FAM83F: variants seen among roughly 807,000 people sequenced by gnomAD.
FAM83F encodes the protein protein FAM83F.
In FAM83F, 45 loss-of-function variants were observed where a neutral mutation model predicts 42.9. That is an observed-to-expected ratio of 1.05 (90% CI 0.83 to 1.35). The LOEUF (loss-of-function observed/expected upper bound fraction) is 1.35. FAM83F is among the 40% of genes most tolerant of loss of function. The probability of loss-of-function intolerance (pLI) is 0.00; values close to 1 mark genes in which losing one functional copy is unlikely to be tolerated. For synonymous variants in FAM83F, 306 were observed against 298.3 expected, an observed-to-expected ratio of 1.03 and a Z score of -0.27; for missense variants, 617 against 695.9, an observed-to-expected ratio of 0.89 and a Z score of 1.28.
intron 4 of FAM83F, among the ~76,000 whole-genome samples, chr22:40,027,348 A>G (rs1196378727): frequency 6.6e-6 from 1 of 151,848 alleles, no homozygotes; most frequent in East Asian, 1.9e-4. Flanking sequence ...CTCCCGCACC[A>G]CCTCACCTGC....
chr22:39,995,554 A>G lies in FAM83F; in HGVS notation c.489+23A>G. The G allele has an allele frequency of 6.5e-7, 1 of 1,530,238 alleles. No individual in the cohort carries two copies. The highest frequency in any genetic ancestry group is 8.8e-7 in the Non-Finnish European group (1 of 1,133,186). 94.8% of individuals were successfully genotyped at this position (1,530,238 alleles called of 1,614,324 possible). On this transcript the variant is annotated intron_variant, in intron 1 of 4. Coordinates refer to ENST00000333407, the MANE Select transcript of FAM83F (RefSeq NM_138435.4). This position sits in a 1 kb window ranked among gnomAD's most constrained non-coding sequence, Gnocchi z 4.6. ...AAGGTAGGCCCCCGCCTTCGCCCCC[A>G]CACCGCTGGGACCTCGGCCCCAGTC...
intron 1 of FAM83F, among the ~76,000 whole-genome samples, chr22:40,002,434 T>C (rs1459553509): frequency 6.6e-6 from 1 of 152,134 alleles, no homozygotes; most frequent in Non-Finnish European, 1.5e-5. Flanking sequence ...CCTCTGAGGA[T>C]GGGTGTTTCC....
Position 40,021,820 on chromosome 22 carries a change from G to T in FAM83F, c.1310G>T (p.Arg437Leu). Residue 437 changes from arginine (R) to leucine (L), a missense_variant, in exon 4 of 5, where the codon CGC becomes CTC. Arg to Leu is a moderately radical substitution (Grantham distance 102). Transcript: ENST00000333407. The surrounding 1 kb of genome is among the most constrained non-coding windows in gnomAD (Gnocchi z 8.7). ...AARGEAAPAR[R>L]FSSRLFSRRA... ...CGGGGGGAGGCCGCCCCCGCCAGGC[G>T]CTTCAGCAGCAGGCTCTTCAGTCGC... is the stretch of plus-strand genomic sequence containing the variant. 1 of 1,612,660 alleles carries T rather than the reference G, an allele frequency of 6.2e-7. No homozygotes were observed. The highest frequency in any genetic ancestry group is 8.5e-7 in the Non-Finnish European group (1 of 1,179,728).
intron 1 of FAM83F, among the ~76,000 whole-genome samples, chr22:40,018,633 C>T (rs1476802115): frequency 6.7e-6 from 1 of 149,162 alleles, no homozygotes; most frequent in Non-Finnish European, 1.5e-5. Context: ...GCTCTTGTTG[C>T]CCTGGCTGGA....
chr22:40,029,094 T>G, intron 4 of FAM83F, among the ~76,000 whole-genome samples: 1 of 140,932 alleles, frequency 7.1e-6, no homozygotes, highest in African/African-American at 2.9e-5. Context: ...TGTGTGTGTG[T>G]GTGTGTGTGT....
At position 40,040,215 on chromosome 22, in the gene FAM83F, C is replaced by CT; in HGVS notation, c.*10651dup. Reference sequence around the variant, plus strand: ...AGGGCTGGTCATCTCCCCAGCTGCACTGTGGGGTTCCCAAGTCAGACATCC... The same window carrying CT: ...AGGGCTGGTCATCTCCCCAGCTGCACTTGTGGGGTTCCCAAGTCAGACATCC... On this transcript the variant is annotated 3_prime_UTR_variant, in exon 5 of 5. Coordinates refer to ENST00000333407, the MANE Select transcript of FAM83F (RefSeq NM_138435.4). The CT allele has an allele frequency of 6.6e-6, 1 of 152,340 alleles. No homozygotes were observed. Among genetic ancestry groups the CT allele is most frequent in the South Asian group, 2.1e-4 (1 of 4,824 alleles). The allele number at this position is 152,340 out of a possible 1,614,324, so 9.4% of individuals were successfully genotyped here. A position where few individuals can be genotyped will look rare whatever the true frequency, so the allele number is the denominator to read the frequency against.
At chr22:40,017,707 G>A (rs935741100) in intron 1 of FAM83F, among the ~76,000 whole-genome samples, 8 of 152,218 alleles carry the variant, frequency 5.3e-5, no homozygotes, top group African/African-American at 1.2e-4. Flanking sequence ...AAGGCAAACC[G>A]ACTTCCTGGA....
Position 40,029,676 on chromosome 22 carries a change from C to A in FAM83F, c.*111C>A. ...GTTTGCACATCAGACGCCAACTGGC[C>A]TTCTGCCCTGCAGCCTCCGTCCTGG... On this transcript the variant is annotated 3_prime_UTR_variant, in exon 5 of 5. Coordinates refer to ENST00000333407, the MANE Select transcript of FAM83F (RefSeq NM_138435.4). 1 of 1,467,460 alleles carries A rather than the reference C, an allele frequency of 6.8e-7. No individual in the cohort carries two copies. Among genetic ancestry groups the A allele is most frequent in the South Asian group, 1.3e-5 (1 of 77,736 alleles). 90.9% of individuals were successfully genotyped at this position (1,467,460 alleles called of 1,614,324 possible).
In FAM83F at chr22:40,031,214, T is replaced by C. The variant is rs888826330; in HGVS notation, c.*1649T>C. On this transcript the variant is annotated 3_prime_UTR_variant, in exon 5 of 5. Transcript: ENST00000333407. ...CCTTAGGCACCAAGACCAGGCAGTG[T>C]GGCATGAGCTCATTCTGGAGGGGAG... 3.2e-5 allele frequency: 4 copies of C among 124,594 alleles called. No homozygotes were observed. The highest frequency in any genetic ancestry group is 1.8e-4 in the Admixed American group (2 of 11,142). 7.7% of individuals were successfully genotyped at this position (124,594 alleles called of 1,614,324 possible).
intron 4 of FAM83F, among the ~76,000 whole-genome samples, chr22:40,022,929 A>C (rs1219656172): frequency 1.3e-5 from 2 of 152,204 alleles, no homozygotes; most frequent in Non-Finnish European, 2.9e-5. Context: ...AGCAGGGAGC[A>C]CAAGTGTCAT....
At position 40,030,671 on chromosome 22, in the gene FAM83F, C is replaced by G. The variant is rs2067581595; in HGVS notation, c.*1106C>G. On this transcript the variant is annotated 3_prime_UTR_variant, in exon 5 of 5. Transcript: ENST00000333407. ...GTAAGCAATTCCATTCTGCCTTCCC[C>G]ACTTGGGTGACTGGAGAGGGCCGAG... 1 of 152,394 alleles carries G rather than the reference C, an allele frequency of 6.6e-6. No homozygotes were observed. The highest frequency in any genetic ancestry group is 2.4e-5 in the African/African-American group (1 of 41,552). 9.4% of individuals were successfully genotyped at this position (152,394 alleles called of 1,614,324 possible).
In FAM83F at chr22:40,036,670, G is replaced by C. The variant is rs2067625893; in HGVS notation, c.*7105G>C. On this transcript the variant is annotated 3_prime_UTR_variant, in exon 5 of 5. Coordinates refer to ENST00000333407, the MANE Select transcript of FAM83F (RefSeq NM_138435.4). ...TCATGTAGATTCCACACCCCGCCTT[G>C]ATGTCTTTGGCTTTCACACTAGTGA... 6.6e-6 allele frequency: 1 copy of C among 152,284 alleles called. No homozygotes were observed. The highest frequency in any genetic ancestry group is 2.4e-5 in the African/African-American group (1 of 41,458). The allele number at this position is 152,284 out of a possible 1,614,324, so 9.4% of individuals were successfully genotyped here.
At chr22:40,026,751 G>A (rs188557658) in intron 4 of FAM83F, among the ~76,000 whole-genome samples, 1 of 152,092 alleles carries the variant, frequency 6.6e-6, no homozygotes, top group African/African-American at 2.4e-5. Context: ...ACTCTCCTGG[G>A]GTCCCTGGAT....
rs960246879 is a variant in FAM83F at position 40,041,736 on chromosome 22, A to C, written c.*12171A>C. 1 of 152,208 alleles carries C rather than the reference A, an allele frequency of 6.6e-6. No homozygotes were observed. Among genetic ancestry groups the C allele is most frequent in the African/African-American group, 2.4e-5 (1 of 41,438 alleles). The allele number at this position is 152,208 out of a possible 1,614,324, so 9.4% of individuals were successfully genotyped here. On this transcript the variant is annotated 3_prime_UTR_variant, in exon 5 of 5. Transcript: ENST00000333407. ...TCATTTGTGGGTCTGTTCATAAAAG[A>C]GTCTGGGAAGATAGTCTCCTTAACA...
rs1216910568 is a variant in FAM83F, at chr22:39,995,781, C to G, written c.489+250C>G. Among the ~76,000 whole-genome samples, 1 of 152,234 alleles carries G rather than the reference C, an allele frequency of 6.6e-6. No individual in the cohort carries two copies. The highest frequency in any genetic ancestry group is 1.5e-5 in the Non-Finnish European group (1 of 68,038). On this transcript the variant is annotated intron_variant, in intron 1 of 4. Transcript: ENST00000333407. The surrounding 1 kb of genome is among the most constrained non-coding windows in gnomAD (Gnocchi z 4.6). ...ATTCCAGCGTTCAGAGGCACTGGCT[C>G]TGCTCTGTACTTCTGAAACTTCCCT...
intron 4 of FAM83F, among the ~76,000 whole-genome samples, chr22:40,028,630 G>A (rs1012510178): frequency 5.3e-5 from 8 of 152,310 alleles, no homozygotes; most frequent in Middle Eastern, 3.4e-3. Flanking sequence ...CAAAGGAACC[G>A]CAGGCCTCAT....
Position 40,019,301 on chromosome 22 carries a change from G to A in FAM83F, c.623G>A (p.Cys208Tyr), listed in dbSNP as rs896023195. Residue 208 changes from cysteine (C) to tyrosine (Y), a missense_variant, in exon 2 of 5, where the codon TGT (cysteine) becomes TAT (tyrosine). Transcript: ENST00000333407. ...GGAGTGAAGTATTTCCTGGAGATGT[G>A]TCAGGACCTGCAGCTCACTGACTTC... is the stretch of plus-strand genomic sequence containing the variant. ...EAGVKYFLEM[C>Y]QDLQLTDFRI... The A allele has an allele frequency of 6.2e-7, 1 of 1,614,140 alleles. No individual in the cohort carries two copies. The highest frequency in any genetic ancestry group is 8.5e-7 in the Non-Finnish European group (1 of 1,180,020).
At chr22:40,014,294 G>A (rs1471467293) in intron 1 of FAM83F, among the ~76,000 whole-genome samples, 1 of 151,924 alleles carries the variant, frequency 6.6e-6, no homozygotes, top group Non-Finnish European at 1.5e-5. Context: ...TTGGTAGATA[G>A]AGCTGACCAA....
At position 40,033,729 on chromosome 22, in the gene FAM83F, C is replaced by A. The variant is rs182437661; in HGVS notation, c.*4164C>A. On this transcript the variant is annotated 3_prime_UTR_variant, in exon 5 of 5. Transcript: ENST00000333407. ...CACAGTCCTGACCTGGTGGCCTGCA[C>A]AGGCCACTTCTCCGAAGTGTTTCAA... 1.3e-5 allele frequency: 2 copies of A among 152,350 alleles called. No individual in the cohort carries two copies. Among genetic ancestry groups the A allele is most frequent in the Middle Eastern group, 3.4e-3 (1 of 294 alleles). The allele number at this position is 152,350 out of a possible 1,614,324, so 9.4% of individuals were successfully genotyped here.
Sources: allele counts gnomAD v4.1 joint callset (sites outside exome capture counted in the v4.1 genomes callset), GRCh38; gene constraint gnomAD v4.1.1; non-coding constraint Gnocchi (gnomAD v3.1); transcripts MANE v1.5; gene names NCBI Gene and HGNC (gene_info 2026-07-23, HGNC 2026-07-21).